The following CD58 variants were observed in gnomAD, a reference collection of about 807,000 sequenced individuals.
CD58 encodes the protein lymphocyte function-associated antigen 3.
In CD58, 14 loss-of-function variants were observed where a neutral mutation model predicts 27.6. The observed-to-expected ratio is 0.51, with a 90% CI of 0.34 to 0.79. The LOEUF (loss-of-function observed/expected upper bound fraction) is 0.79. CD58 is among the 30% of genes least tolerant of loss of function. The pLI is 0.02. For synonymous variants in CD58, 117 were observed against 103.8 expected (o/e 1.13, Z -0.77); for missense variants, 268 against 301.7 (o/e 0.89, Z 0.83).
chr1:116,562,173 C>A (rs1027498907), intron 1 of CD58, among the ~76,000 whole-genome samples: 1 of 151,534 alleles, frequency 6.6e-6, no homozygotes, highest in Admixed American at 6.6e-5. Context: ...TAAAAAAAAA[C>A]AGATCAATAT....
rs901063457 is a variant in CD58 at position 116,563,996 on chromosome 1, C to G, written c.70+6907G>C. 6.6e-6 allele frequency among the ~76,000 whole-genome samples: 1 copy of G among 152,312 alleles called. No homozygotes were observed. The highest frequency in any genetic ancestry group is 2.4e-5 in the African/African-American group (1 of 41,562). On this transcript the variant is annotated intron_variant, in intron 1 of 5. Transcript: ENST00000369489. The surrounding 1 kb of genome is among the most constrained non-coding windows in gnomAD (Gnocchi z 4.1). ...TGCAAATTTTTTGAACTTTTATGCC[C>G]TGCTATCCTTTTAAACATAAGTTCC...
rs549609857 is a variant in CD58 at position 116,518,678 on chromosome 1, G to A, written c.743+553C>T. 4.1e-5 allele frequency: 40 copies of A among 986,892 alleles called. No homozygotes were observed. The African/African-American group carries it at 5.4e-4, about 13-fold the overall frequency. 61.1% of individuals were successfully genotyped at this position (986,892 alleles called of 1,614,324 possible). A position where few individuals can be genotyped will look rare whatever the true frequency, so the allele number is the denominator to read the frequency against. On this transcript the variant is annotated intron_variant, in intron 5 of 5. Coordinates refer to ENST00000369489, the MANE Select transcript of CD58 (RefSeq NM_001779.3). ...CCTGACCACCAGTGGGATCTGCCAGGAGGGGGCCTCTTGGAGCACCCTACG... is the reference window on the plus strand; with the variant it reads ...CCTGACCACCAGTGGGATCTGCCAGAAGGGGGCCTCTTGGAGCACCCTACG...
rs1327838858 is a variant in CD58, at chr1:116,524,470, T to G, written c.629-2487A>C. On this transcript the variant is annotated intron_variant, in intron 3 of 5. Coordinates refer to ENST00000369489, the MANE Select transcript of CD58 (RefSeq NM_001779.3). The surrounding 1 kb of genome is among the most constrained non-coding windows in gnomAD (Gnocchi z 4.6). ...AGAGACAAAATACATTAATGGGTCATGCTGGCATTATGCTGAACCCTATTA... is the reference window on the plus strand; with the variant it reads ...AGAGACAAAATACATTAATGGGTCAGGCTGGCATTATGCTGAACCCTATTA... Among the ~76,000 whole-genome samples, 2 of 152,242 alleles carry G rather than the reference T, an allele frequency of 1.3e-5. No homozygotes were observed. The highest frequency in any genetic ancestry group is 2.9e-5 in the Non-Finnish European group (2 of 68,040).
rs952939342 is a variant in CD58, at chr1:116,563,404, T to C, written c.70+7499A>G. Reference sequence around the variant, plus strand: ...GGTCTGGTGGATGATGGCCCTCTTCTCACAGCTCCACTAGGCGGTGCCCCA... The same window carrying C: ...GGTCTGGTGGATGATGGCCCTCTTCCCACAGCTCCACTAGGCGGTGCCCCA... On this transcript the variant is annotated intron_variant, in intron 1 of 5. Transcript: ENST00000369489. The surrounding 1 kb of genome is among the most constrained non-coding windows in gnomAD (Gnocchi z 4.1). Among the ~76,000 whole-genome samples, 2 of 152,032 alleles carry C rather than the reference T, an allele frequency of 1.3e-5. No homozygotes were observed. The highest frequency in any genetic ancestry group is 2.9e-5 in the Non-Finnish European group (2 of 67,994).
In CD58 at chr1:116,536,779, C is replaced by T. The variant is rs767068821; in HGVS notation, c.365-551G>A. Among the ~76,000 whole-genome samples, 2 of 151,974 alleles carry T rather than the reference C, an allele frequency of 1.3e-5. No homozygotes were observed. The highest frequency in any genetic ancestry group is 2.9e-5 in the Non-Finnish European group (2 of 67,998). ...TCTTTATAGCAGTGTGAAAACAGAC[C>T]AATACAGGCCCCAAATCCCTTATCC... On this transcript the variant is annotated intron_variant, in intron 2 of 5. Transcript: ENST00000369489. This position sits in a 1 kb window ranked among gnomAD's most constrained non-coding sequence, Gnocchi z 5.4.
At chr1:116,545,267 T>C (rs188883822) in intron 1 of CD58, among the ~76,000 whole-genome samples, 4 of 152,172 alleles carry the variant, frequency 2.6e-5, no homozygotes, top group African/African-American at 9.7e-5. Flanking sequence ...CTGATCCTAA[T>C]GGAGAGGAAG....
Position 116,541,648 on chromosome 1 carries a change from G to A in CD58, c.364+2663C>T, listed in dbSNP as rs1054698290. Among the ~76,000 whole-genome samples, 1 of 152,172 alleles carries A rather than the reference G, an allele frequency of 6.6e-6. No homozygotes were observed. The highest frequency in any genetic ancestry group is 1.9e-4 in the East Asian group (1 of 5,192). ...ACCAAAAGGGAAAAGATTTGGGGAG[G>A]AGCAGCAGGTTTTAAGGGGAAGATA... On this transcript the variant is annotated intron_variant, in intron 2 of 5. Transcript: ENST00000369489. This position sits in a 1 kb window ranked among gnomAD's most constrained non-coding sequence, Gnocchi z 5.3.
rs368077556 is a variant in CD58, at chr1:116,527,276, G to A, written c.629-5293C>T. 4.6e-5 allele frequency among the ~76,000 whole-genome samples: 7 copies of A among 152,294 alleles called. No individual in the cohort carries two copies. In the East Asian group the frequency reaches 1.3e-3, roughly 29 times the overall value. ...CTTGGTCTTAGTTGGAAAGCTTCAAGTTTCTCACCATTACAGATGATGTTA... is the reference window on the plus strand; with the variant it reads ...CTTGGTCTTAGTTGGAAAGCTTCAAATTTCTCACCATTACAGATGATGTTA... On this transcript the variant is annotated intron_variant, in intron 3 of 5. Coordinates refer to ENST00000369489, the MANE Select transcript of CD58 (RefSeq NM_001779.3). This position sits in a 1 kb window ranked among gnomAD's most constrained non-coding sequence, Gnocchi z 4.4.
Position 116,570,288 on chromosome 1 carries a change from G to T in CD58, c.70+615C>A, listed in dbSNP as rs565774333. Among the ~76,000 whole-genome samples, 1 of 152,324 alleles carries T rather than the reference G, an allele frequency of 6.6e-6. No individual in the cohort carries two copies. Among genetic ancestry groups the T allele is most frequent in the African/African-American group, 2.4e-5 (1 of 41,570 alleles). On this transcript the variant is annotated intron_variant, in intron 1 of 5. Coordinates refer to ENST00000369489, the MANE Select transcript of CD58 (RefSeq NM_001779.3). The surrounding 1 kb of genome is among the most constrained non-coding windows in gnomAD (Gnocchi z 6.4). Reference sequence around the variant, plus strand: ...AACCAGTTCTGATACTAGTTTTTAGGATTTGAGGGGAGGAAAAAGGAGCAG... The same window carrying T: ...AACCAGTTCTGATACTAGTTTTTAGTATTTGAGGGGAGGAAAAAGGAGCAG...
At chr1:116,525,169 T>G (rs914572667) in intron 3 of CD58, among the ~76,000 whole-genome samples, 2 of 152,210 alleles carry the variant, frequency 1.3e-5, no homozygotes, top group Admixed American at 1.3e-4. Context: ...TACAGAGTAT[T>G]TTCACTGCCC....
At chr1:116,549,225 C>A (rs1658303650) in intron 1 of CD58, among the ~76,000 whole-genome samples, 1 of 152,144 alleles carries the variant, frequency 6.6e-6, no homozygotes, top group South Asian at 2.1e-4. Flanking sequence ...TTAGACAATG[C>A]CCAACTGCAA....
chr1:116,537,904 A>C (rs1657869345), intron 2 of CD58, among the ~76,000 whole-genome samples: 1 of 152,248 alleles, frequency 6.6e-6, no homozygotes, highest in Non-Finnish European at 1.5e-5. Context: ...AAGTAAATTT[A>C]GGTTCACCAA....
At chr1:116,537,379 TA>T (rs953301693) in intron 2 of CD58, among the ~76,000 whole-genome samples, 2 of 151,902 alleles carry the variant, frequency 1.3e-5, no homozygotes, top group South Asian at 2.1e-4. Flanking sequence ...TTCCAAAATG[TA>T]AAAAAAAATT....
At chr1:116,530,643 A>G (rs1389972673) in intron 3 of CD58, among the ~76,000 whole-genome samples, 1 of 152,218 alleles carries the variant, frequency 6.6e-6, no homozygotes, top group African/African-American at 2.4e-5. Context: ...AGTTTGCTTC[A>G]CTGATAAAGC....
At position 116,527,116 on chromosome 1, in the gene CD58, C is replaced by A. The variant is rs888467510; in HGVS notation, c.629-5133G>T. ...TTGTATACATAGATATTCATGTCAT[C>A]TGAGAACTAAAACAATTTTCTTTCT... On this transcript the variant is annotated intron_variant, in intron 3 of 5. Coordinates refer to ENST00000369489, the MANE Select transcript of CD58 (RefSeq NM_001779.3). This position sits in a 1 kb window ranked among gnomAD's most constrained non-coding sequence, Gnocchi z 4.4. 3.3e-5 allele frequency among the ~76,000 whole-genome samples: 5 copies of A among 152,220 alleles called. No homozygotes were observed. Among genetic ancestry groups the A allele is most frequent in the Admixed American group, 6.5e-5 (1 of 15,282 alleles).
chr1:116,547,668 A>C (rs12079279), intron 1 of CD58, among the ~76,000 whole-genome samples: 6,905 of 151,734 alleles, frequency 0.046, 498 homozygotes, highest in African/African-American at 0.16. Context: ...ATATATATAT[A>C]TCTCCCACAT....
Position 116,516,162 on chromosome 1 carries a change from G to A in CD58, c.744-1340C>T, listed in dbSNP as rs906128250. On this transcript the variant is annotated intron_variant, in intron 5 of 5. Transcript: ENST00000369489. This position sits in a 1 kb window ranked among gnomAD's most constrained non-coding sequence, Gnocchi z 6.1. ...TCGCACCTCAGCCTCCCAAGTAGCT[G>A]AGACTACAGGTGTGTGCTACCATAC... is the stretch of plus-strand genomic sequence containing the variant. Among the ~76,000 whole-genome samples, 3 of 152,166 alleles carry A rather than the reference G, an allele frequency of 2.0e-5. No individual in the cohort carries two copies. Among genetic ancestry groups the A allele is most frequent in the Non-Finnish European group, 2.9e-5 (2 of 68,032 alleles).
chr1:116,536,233 A>C lies in CD58; in HGVS notation c.365-5T>G. On this transcript the variant is annotated splice_polypyrimidine_tract_variant and splice_region_variant and intron_variant, in intron 2 of 5. Coordinates refer to ENST00000369489, the MANE Select transcript of CD58 (RefSeq NM_001779.3). This position sits in a 1 kb window ranked among gnomAD's most constrained non-coding sequence, Gnocchi z 5.4. ...GTGTGGGAGATGGAAGAGACTCTGG[A>C]AAAAAAAGTATAATATTTAGTACAG... 6.3e-7 allele frequency: 1 copy of C among 1,592,584 alleles called. No individual in the cohort carries two copies. Among genetic ancestry groups the C allele is most frequent in the Non-Finnish European group, 8.6e-7 (1 of 1,166,110 alleles).
At chr1:116,533,963 G>T in intron 3 of CD58, 1 of 1,426,174 alleles carries the variant, frequency 7.0e-7, no homozygotes, top group Non-Finnish European at 9.9e-7. Context: ...TTGTCAAGTC[G>T]CTCCTGTAAA....
Sources: allele counts gnomAD v4.1 joint callset (sites outside exome capture counted in the v4.1 genomes callset), GRCh38; gene constraint gnomAD v4.1.1; non-coding constraint Gnocchi (gnomAD v3.1); transcripts MANE v1.5; gene names NCBI Gene and HGNC (gene_info 2026-07-23, HGNC 2026-07-21).